Variants in CACNA1C observed in about 807,000 individuals in gnomAD.
CACNA1C encodes the protein voltage-dependent L-type calcium channel subunit alpha-1C.
A neutral mutation model predicts 229.0 loss-of-function variants in CACNA1C; 30 were observed. The observed-to-expected ratio is 0.13, with a 90% confidence interval of 0.10 to 0.18. The LOEUF is 0.18. CACNA1C is among the 10% of genes least tolerant of loss of function. CACNA1C has a pLI of 1.00. For synonymous variants in CACNA1C, 1,114 were observed against 1,132.5 expected, an observed-to-expected ratio of 0.98 and a Z score of 0.33; for missense variants, 1,658 against 2,845.0, an observed-to-expected ratio of 0.58 and a Z score of 9.49.
chr12:2,079,650 A>G (rs867446807), intron 1 of CACNA1C, among the ~76,000 whole-genome samples: 7 of 152,206 alleles, frequency 4.6e-5, no homozygotes, highest in Non-Finnish European at 5.9e-5. Context: ...TTGGGGAGAC[A>G]CAAACATTTA....
At position 2,319,321 on chromosome 12, in the gene CACNA1C, G is replaced by GTGCATGGTGGGCGGCATGCATGGGGGTA. The variant is rs2095851394; in HGVS notation, c.478-129655_478-129654insTGCATGGTGGGCGGCATGCATGGGGGTA. On this transcript the variant is annotated intron_variant, in intron 3 of 46. Coordinates refer to ENST00000399655, the MANE Select transcript of CACNA1C (RefSeq NM_000719.7). The surrounding 1 kb of genome is among the most constrained non-coding windows in gnomAD (Gnocchi z 4.0). ...GCATGAAGGCGGCATGCATGGGGGT[G>GTGCATGGTGGGCGGCATGCATGGGGGTA]CCGTGCATGGTGGGCAACATACATG... Among the ~76,000 whole-genome samples the GTGCATGGTGGGCGGCATGCATGGGGGTA allele has an allele frequency of 6.6e-6, 1 of 151,764 alleles. No homozygotes were observed. The highest frequency in any genetic ancestry group is 1.5e-5 in the Non-Finnish European group (1 of 67,924).
At chr12:2,162,174 C>T (rs888614463) in intron 3 of CACNA1C, among the ~76,000 whole-genome samples, 2 of 152,130 alleles carry the variant, frequency 1.3e-5, no homozygotes, top group African/African-American at 4.8e-5. Context: ...TCTCAGGACA[C>T]ACCTTACTCC....
At chr12:2,514,591 C>T (rs963812254) in intron 9 of CACNA1C, among the ~76,000 whole-genome samples, 1 of 152,174 alleles carries the variant, frequency 6.6e-6, no homozygotes, top group Non-Finnish European at 1.5e-5. Flanking sequence ...CTGTGAGCCA[C>T]GGAGAAGCCT....
intron 9 of CACNA1C, among the ~76,000 whole-genome samples, chr12:2,536,865 G>A (rs1328339429): frequency 6.6e-6 from 1 of 152,112 alleles, no homozygotes; most frequent in African/African-American, 2.4e-5. Context: ...TGAAGGGCTG[G>A]CCTACAATCC....
intron 3 of CACNA1C, among the ~76,000 whole-genome samples, chr12:2,430,846 G>A (rs2099076112): frequency 6.6e-6 from 1 of 152,086 alleles, no homozygotes; most frequent in Admixed American, 6.5e-5. Context: ...ATGGCATTGA[G>A]CACCCTGGCC....
rs138136814 is a variant in CACNA1C, at chr12:2,694,562, C to G, written c.*3363C>G. ...CTTCTTCTTAATCCAATAGGCCTCA[C>G]TCTCACTGGGAAATCCACTCAAAGG... On this transcript the variant is annotated 3_prime_UTR_variant, in exon 47 of 47. Transcript: ENST00000399655. 128 of 152,352 alleles carry G rather than the reference C, an allele frequency of 8.4e-4. No homozygotes were observed. Among genetic ancestry groups the G allele is most frequent in the African/African-American group, 2.9e-3 (120 of 41,572 alleles). The allele number at this position is 152,352 out of a possible 1,614,324, so 9.4% of individuals were successfully genotyped here.
At chr12:2,495,942 G>A (rs79498889) in intron 7 of CACNA1C, among the ~76,000 whole-genome samples, 66 of 152,204 alleles carry the variant, frequency 4.3e-4, no homozygotes, top group Admixed American at 1.6e-3. Flanking sequence ...ACCTTTCTAC[G>A]GCTGTTTCTT....
intron 5 of CACNA1C, among the ~76,000 whole-genome samples, chr12:2,472,179 C>G (rs950568425): frequency 7.9e-5 from 12 of 152,042 alleles, no homozygotes; most frequent in African/African-American, 2.9e-4. Flanking sequence ...CTTTTGGGGC[C>G]ATCATTTCTT....
In CACNA1C at chr12:2,535,738, A is replaced by G. The variant is rs533921165; in HGVS notation, c.1391-14205A>G. 4.2e-4 allele frequency among the ~76,000 whole-genome samples: 63 copies of G among 151,106 alleles called. 2 individuals carry two copies. In the East Asian group the frequency reaches 7.6e-3, roughly 18 times the overall value. On this transcript the variant is annotated intron_variant, in intron 9 of 46. Transcript: ENST00000399655. Reference sequence around the variant, plus strand: ...AAAAAAAAAAAAAAAAAAAAACCTAAAACTAAAACAACACATAAAGTAGCC... The same window carrying G: ...AAAAAAAAAAAAAAAAAAAAACCTAGAACTAAAACAACACATAAAGTAGCC...
chr12:2,419,373 T>G (rs1205757454), intron 3 of CACNA1C, among the ~76,000 whole-genome samples: 1 of 151,906 alleles, frequency 6.6e-6, no homozygotes, highest in East Asian at 1.9e-4. Context: ...TCATGAGAAC[T>G]CCCTATCCCA....
At chr12:2,563,035 C>A (rs893072283) in intron 11 of CACNA1C, among the ~76,000 whole-genome samples, 1 of 152,120 alleles carries the variant, frequency 6.6e-6, no homozygotes, top group Non-Finnish European at 1.5e-5. Flanking sequence ...TCTCCACTAC[C>A]CTTTCCAGCT....
At chr12:2,417,543 C>G (rs2098924895) in intron 3 of CACNA1C, among the ~76,000 whole-genome samples, 1 of 152,174 alleles carries the variant, frequency 6.6e-6, no homozygotes, top group Non-Finnish European at 1.5e-5. Flanking sequence ...CCTGTCGGAT[C>G]AAGGGGCCCT....
At position 2,445,738 on chromosome 12, in the gene CACNA1C, C is replaced by T. The variant is rs560861127; in HGVS notation, c.478-3238C>T. 3.3e-5 allele frequency among the ~76,000 whole-genome samples: 5 copies of T among 152,222 alleles called. No individual in the cohort carries two copies. In the South Asian group the frequency reaches 1.0e-3, roughly 32 times the overall value. On this transcript the variant is annotated intron_variant, in intron 3 of 46. Coordinates refer to ENST00000399655, the MANE Select transcript of CACNA1C (RefSeq NM_000719.7). ...AATTAAGCAAGAGAAAGCAGCCTGTCAATGAGGAAATAAGCAGACTGCTTG... is the reference window on the plus strand; with the variant it reads ...AATTAAGCAAGAGAAAGCAGCCTGTTAATGAGGAAATAAGCAGACTGCTTG...
intron 3 of CACNA1C, among the ~76,000 whole-genome samples, chr12:2,246,921 C>G (rs542861344): frequency 1.3e-5 from 2 of 152,184 alleles, no homozygotes; most frequent in Non-Finnish European, 2.9e-5. Context: ...CCTGTCTCCC[C>G]ACTTCTCCAT....
At chr12:2,404,060 C>T (rs188029418) in intron 3 of CACNA1C, among the ~76,000 whole-genome samples, 6 of 152,328 alleles carry the variant, frequency 3.9e-5, no homozygotes, top group South Asian at 2.1e-4. Flanking sequence ...TGGTTGTGGG[C>T]GCTTCATCCA....
intron 19 of CACNA1C, among the ~76,000 whole-genome samples, chr12:2,594,897 C>A (rs2067348720): frequency 6.6e-6 from 1 of 152,242 alleles, no homozygotes; most frequent in Non-Finnish European, 1.5e-5. Context: ...TCAAGACTGG[C>A]TTAACCTGCA....
chr12:1,987,673 T>G (rs2038187793), intron 1 of CACNA1C, among the ~76,000 whole-genome samples: 1 of 152,184 alleles, frequency 6.6e-6, no homozygotes, highest in Non-Finnish European at 1.5e-5. Flanking sequence ...AAAAATTGAC[T>G]GAAGAGGATT....
intron 34 of CACNA1C, among the ~76,000 whole-genome samples, chr12:2,664,259 G>T (rs2095946475): frequency 6.6e-6 from 1 of 152,210 alleles, no homozygotes; most frequent in African/African-American, 2.4e-5. Flanking sequence ...AGTTTGTACA[G>T]TAGTGTTATT....
chr12:2,203,564 T>G (rs1178841139), intron 3 of CACNA1C, among the ~76,000 whole-genome samples: 1 of 152,212 alleles, frequency 6.6e-6, no homozygotes, highest in Admixed American at 6.5e-5. Context: ...GTCAGGATTC[T>G]GGAGGTGGCT....
Sources: allele counts gnomAD v4.1 joint callset (sites outside exome capture counted in the v4.1 genomes callset), GRCh38; gene constraint gnomAD v4.1.1; non-coding constraint Gnocchi (gnomAD v3.1); transcripts MANE v1.5; gene names NCBI Gene and HGNC (gene_info 2026-07-23, HGNC 2026-07-21).